JAKMIP2: variants seen among roughly 807,000 people sequenced by gnomAD.
JAKMIP2 encodes the protein janus kinase and microtubule interacting protein 2, also known as janus kinase and microtubule-interacting protein 2.
Under a neutral mutation model 115.0 loss-of-function variants are expected in JAKMIP2, and 25 were observed. The observed-to-expected ratio is 0.22, with a 90% CI of 0.16 to 0.30. The LOEUF is 0.30. Among genes scored for constraint, JAKMIP2 ranks in the 10% least tolerant of loss-of-function variants. The pLI is 1.00. For synonymous variants in JAKMIP2, 334 were observed against 343.6 expected, an observed-to-expected ratio of 0.97 and a Z score of 0.31; for missense variants, 642 against 957.6, an observed-to-expected ratio of 0.67 and a Z score of 4.35.
intron 1 of JAKMIP2, among the ~76,000 whole-genome samples, chr5:147,708,193 T>C (rs904842248): frequency 3.3e-5 from 5 of 152,050 alleles, no homozygotes; most frequent in African/African-American, 1.2e-4. Flanking sequence ...ACAATAAAGC[T>C]AACAAAAAAT....
intron 1 of JAKMIP2, among the ~76,000 whole-genome samples, chr5:147,727,477 A>T (rs1375683208): frequency 2.0e-5 from 3 of 152,192 alleles, no homozygotes; most frequent in Non-Finnish European, 2.9e-5. Flanking sequence ...AAGGGAAGCA[A>T]GGAACCTTCT....
chr5:147,706,600 C>T (rs1026234196), intron 1 of JAKMIP2, among the ~76,000 whole-genome samples: 1 of 152,150 alleles, frequency 6.6e-6, no homozygotes, highest in African/African-American at 2.4e-5. Flanking sequence ...TGAAGTAGCA[C>T]TAGAAATCTT....
chr5:147,660,228 G>A (rs907557071), intron 3 of JAKMIP2, among the ~76,000 whole-genome samples: 4 of 152,176 alleles, frequency 2.6e-5, no homozygotes, highest in African/African-American at 9.7e-5. Flanking sequence ...TTTAAGCATA[G>A]TGAGAGGCCT....
At chr5:147,715,410 C>T (rs1427048804) in intron 1 of JAKMIP2, among the ~76,000 whole-genome samples, 1 of 151,182 alleles carries the variant, frequency 6.6e-6, no homozygotes, top group Non-Finnish European at 1.5e-5. Context: ...TCTATGTTCC[C>T]TAAAGAGTCT....
chr5:147,624,427 G>A (rs558200527), intron 16 of JAKMIP2, among the ~76,000 whole-genome samples: 91 of 152,312 alleles, frequency 6.0e-4, no homozygotes, highest in African/African-American at 2.1e-3. Flanking sequence ...TAGCTCTATT[G>A]TTGGAGGAAG....
chr5:147,778,570 C>G (rs1234140510), intron 1 of JAKMIP2, among the ~76,000 whole-genome samples: 2 of 152,028 alleles, frequency 1.3e-5, no homozygotes, highest in African/African-American at 4.8e-5. Context: ...CAAATTTGGA[C>G]AAGTCTAACC....
At chr5:147,647,137 A>G (rs2126735667) in intron 5 of JAKMIP2, among the ~76,000 whole-genome samples, 1 of 152,212 alleles carries the variant, frequency 6.6e-6, no homozygotes, top group Admixed American at 6.5e-5. Flanking sequence ...GGAATGAAAT[A>G]TACAAAGTAC....
At chr5:147,687,295 A>G (rs990989774) in intron 1 of JAKMIP2, among the ~76,000 whole-genome samples, 10 of 152,186 alleles carry the variant, frequency 6.6e-5, no homozygotes, top group African/African-American at 2.4e-4. Context: ...TGAACGTATG[A>G]TTTATGAATC....
At chr5:147,715,913 A>T (rs545831908) in intron 1 of JAKMIP2, among the ~76,000 whole-genome samples, 2 of 144,954 alleles carry the variant, frequency 1.4e-5, no homozygotes, top group East Asian at 4.1e-4. Flanking sequence ...TTACATATGT[A>T]TACATGTGCC....
chr5:147,614,135 A>G (rs1271879189), intron 19 of JAKMIP2, among the ~76,000 whole-genome samples: 2 of 152,214 alleles, frequency 1.3e-5, no homozygotes, highest in East Asian at 1.9e-4. Context: ...CAGCCATCAC[A>G]TCTATGCTTG....
chr5:147,731,097 G>A (rs918777474), intron 1 of JAKMIP2, among the ~76,000 whole-genome samples: 1 of 152,176 alleles, frequency 6.6e-6, no homozygotes, highest in African/African-American at 2.4e-5. Context: ...ATGAAAGTGA[G>A]TGTCCCCGGC....
intron 1 of JAKMIP2, among the ~76,000 whole-genome samples, chr5:147,741,462 T>C (rs1309506163): frequency 6.6e-6 from 1 of 152,102 alleles, no homozygotes; most frequent in Non-Finnish European, 1.5e-5. Context: ...TTGTTTAATA[T>C]ATAAGAAGGT....
intron 19 of JAKMIP2, 101 bp downstream of exon 19, chr5:147,617,810 T>G (rs1467497005): frequency 2.5e-6 from 2 of 814,716 alleles, no homozygotes; most frequent in African/African-American, 3.4e-5. Flanking sequence ...ATAACTTGTA[T>G]CTCCTGGGCT....
Position 147,631,480 on chromosome 5 carries a change from A to C in JAKMIP2, c.1808T>G (p.Leu603Arg), listed in dbSNP as rs767581461. 2 of 1,611,732 alleles carry C rather than the reference A, an allele frequency of 1.2e-6. No homozygotes were observed. Among genetic ancestry groups the C allele is most frequent in the South Asian group, 2.2e-5 (2 of 91,000 alleles). The change falls in exon 14 of 22, where the codon CTC becomes CGC. Residue 603 changes from leucine to arginine, a missense_variant. Physicochemically the swap from Leu to Arg is moderately radical, Grantham distance 102. Transcript: ENST00000616793. ...ERERRSPPFN[L>R]QIHPFSDGVS... ...ACCATCTGAGAATGGGTGAATTTGG[A>C]GATTAAATGGAGGGGATCGTCTCTC...
chr5:147,634,272 A>G (rs1316786053), intron 12 of JAKMIP2, among the ~76,000 whole-genome samples: 1 of 152,170 alleles, frequency 6.6e-6, no homozygotes. Flanking sequence ...TTTAGCCCAA[A>G]AAGATTAAGA....
chr5:147,763,268 ACC>A (rs1403311259), intron 1 of JAKMIP2, among the ~76,000 whole-genome samples: 1 of 151,956 alleles, frequency 6.6e-6, no homozygotes, highest in Non-Finnish European at 1.5e-5. Flanking sequence ...ATTCTAAATT[ACC>A]CCCTTTCAGT....
intron 12 of JAKMIP2, among the ~76,000 whole-genome samples, chr5:147,634,306 G>A (rs192273880): frequency 8.2e-4 from 125 of 152,144 alleles, no homozygotes; most frequent in African/African-American, 2.5e-3. Context: ...GATAGAAGAC[G>A]TAATGGGATT....
At chr5:147,725,322 G>C (rs1456674159) in intron 1 of JAKMIP2, among the ~76,000 whole-genome samples, 1 of 152,228 alleles carries the variant, frequency 6.6e-6, no homozygotes, top group Non-Finnish European at 1.5e-5. Flanking sequence ...AGTATAAACA[G>C]GTGAGCAGCC....
At chr5:147,698,523 T>A (rs1580799160) in intron 1 of JAKMIP2, among the ~76,000 whole-genome samples, 1 of 152,288 alleles carries the variant, frequency 6.6e-6, no homozygotes, top group East Asian at 1.9e-4. Context: ...GTAGTTCCCA[T>A]AATCCCCATG....
Sources: allele counts gnomAD v4.1 joint callset (sites outside exome capture counted in the v4.1 genomes callset), GRCh38; gene constraint gnomAD v4.1.1; transcripts MANE v1.5; gene names NCBI Gene and HGNC (gene_info 2026-07-23, HGNC 2026-07-21).